Variants in CADM2 observed in about 807,000 individuals in gnomAD.
CADM2 encodes the protein cell adhesion molecule 2.
In CADM2, 12 loss-of-function variants were observed where a neutral mutation model predicts 49.8. The ratio of observed to expected loss-of-function variants is 0.24; its 90% confidence interval spans 0.15 to 0.39. The LOEUF (loss-of-function observed/expected upper bound fraction) is 0.39. Ranked by LOEUF, CADM2 falls within the 10% of genes least tolerant of loss-of-function variation. CADM2 has a pLI of 1.00. For synonymous variants in CADM2, 214 were observed against 175.4 expected (o/e 1.22, Z -1.74); for missense variants, 378 against 492.3 (o/e 0.77, Z 2.20).
intron 1 of CADM2, among the ~76,000 whole-genome samples, chr3:85,331,637 C>A (rs1008704577): frequency 1.3e-5 from 2 of 151,506 alleles, no homozygotes; most frequent in African/African-American, 2.4e-5. Context: ...GGGTACAGAC[C>A]CAACATTGAG....
chr3:85,854,125 G>C (rs2075213722), intron 3 of CADM2, among the ~76,000 whole-genome samples: 1 of 152,144 alleles, frequency 6.6e-6, no homozygotes. Context: ...AAAAACCACT[G>C]TAGAAAGTAC....
chr3:85,801,096 G>A (rs2071999741), intron 2 of CADM2: 1 of 152,120 alleles, frequency 6.6e-6, no homozygotes, highest in Non-Finnish European at 1.5e-5. Context: ...TCTTACCCAT[G>A]TTAATCATGG....
rs867639595 is a variant in CADM2, at chr3:85,279,248, C to T, written c.61+319580C>T. Among the ~76,000 whole-genome samples, 5 of 151,550 alleles carry T rather than the reference C, an allele frequency of 3.3e-5. No individual in the cohort carries two copies. In the South Asian group the frequency reaches 6.2e-4, roughly 19 times the overall value. The stretch of plus-strand genomic sequence containing the variant: ...GAGCCTAAATACATGGATAATCTTA[C>T]ACTGTTGTTAACCTTTCCACAGAAC... On this transcript the variant is annotated intron_variant, in intron 1 of 9. Coordinates refer to ENST00000383699, the MANE Select transcript of CADM2 (RefSeq NM_001167675.2).
rs1359280183 is a variant in CADM2 at position 85,294,220 on chromosome 3, T to C, written c.61+334552T>C. ...TCAAAGACAATAAAATACCTAGGAA[T>C]CCAACATACAAGGGATGTAAAGGAC... On this transcript the variant is annotated intron_variant, in intron 1 of 9. Transcript: ENST00000383699. Among the ~76,000 whole-genome samples, 9 of 152,118 alleles carry C rather than the reference T, an allele frequency of 5.9e-5. No individual in the cohort carries two copies. The South Asian group carries it at 1.5e-3, about 25-fold the overall frequency.
chr3:85,709,638 C>A (rs745531632), intron 1 of CADM2, among the ~76,000 whole-genome samples: 5 of 152,036 alleles, frequency 3.3e-5, no homozygotes, highest in African/African-American at 4.8e-5. Context: ...TTAGTTGGGC[C>A]TTGGCTGGCA....
At chr3:85,214,283 A>C (rs888163090) in intron 1 of CADM2, among the ~76,000 whole-genome samples, 3 of 152,072 alleles carry the variant, frequency 2.0e-5, no homozygotes, top group Admixed American at 6.5e-5. Context: ...TTTCCCACAA[A>C]TAAAGTGAGT....
intron 1 of CADM2, among the ~76,000 whole-genome samples, chr3:85,063,197 G>A (rs555390526): frequency 6.6e-6 from 1 of 151,758 alleles, no homozygotes; most frequent in South Asian, 2.1e-4. Flanking sequence ...TTTAATCTCT[G>A]TGTCATGGAG....
At chr3:85,282,044 T>A (rs373562753) in intron 1 of CADM2, among the ~76,000 whole-genome samples, 1 of 151,952 alleles carries the variant, frequency 6.6e-6, no homozygotes, top group Admixed American at 6.6e-5. Flanking sequence ...TACATATTCT[T>A]CAAAAATCAA....
At chr3:84,972,247 G>A (rs2031501469) in intron 1 of CADM2, among the ~76,000 whole-genome samples, 1 of 152,198 alleles carries the variant, frequency 6.6e-6, no homozygotes, top group African/African-American at 2.4e-5. Flanking sequence ...ATGGATGATT[G>A]CAAACTGCAG....
intron 1 of CADM2, among the ~76,000 whole-genome samples, chr3:85,291,764 G>A (rs1295064379): frequency 6.8e-6 from 1 of 147,712 alleles, no homozygotes; most frequent in Non-Finnish European, 1.5e-5. Flanking sequence ...CACCCGGCCT[G>A]CCCTAAAAGA....
intron 1 of CADM2, among the ~76,000 whole-genome samples, chr3:85,476,305 G>C (rs1380851230): frequency 1.3e-5 from 2 of 151,762 alleles, no homozygotes; most frequent in Non-Finnish European, 2.9e-5. Flanking sequence ...TTGTCTTCTG[G>C]CCATAGAGTT....
At chr3:85,789,482 C>G (rs1375763130) in intron 2 of CADM2, among the ~76,000 whole-genome samples, 1 of 152,020 alleles carries the variant, frequency 6.6e-6, no homozygotes, top group Non-Finnish European at 1.5e-5. Context: ...TTTATATTGC[C>G]TTGAGAGACA....
At chr3:85,165,539 ATG>A (rs2040450349) in intron 1 of CADM2, among the ~76,000 whole-genome samples, 1 of 151,896 alleles carries the variant, frequency 6.6e-6, no homozygotes, top group African/African-American at 2.4e-5. Context: ...CATTTTTAAT[ATG>A]TGTTTTTTCA....
At chr3:85,630,477 A>G (rs1175250277) in intron 1 of CADM2, among the ~76,000 whole-genome samples, 6 of 152,022 alleles carry the variant, frequency 3.9e-5, no homozygotes, top group Admixed American at 2.6e-4. Context: ...CAGGATAACA[A>G]TTCTCAAATA....
chr3:85,717,481 A>T (rs2067336018), intron 1 of CADM2, among the ~76,000 whole-genome samples: 1 of 152,018 alleles, frequency 6.6e-6, no homozygotes, highest in African/African-American at 2.4e-5. Context: ...AATATCCTTT[A>T]TTTCTTTCTC....
intron 1 of CADM2, among the ~76,000 whole-genome samples, chr3:85,056,718 T>A (rs1219536940): frequency 6.6e-6 from 1 of 152,126 alleles, no homozygotes; most frequent in Non-Finnish European, 1.5e-5. Flanking sequence ...TGCCTTACAC[T>A]AAGAAGTCAT....
At chr3:85,435,719 T>C (rs2107531083) in intron 1 of CADM2, among the ~76,000 whole-genome samples, 1 of 152,324 alleles carries the variant, frequency 6.6e-6, no homozygotes, top group South Asian at 2.1e-4. Context: ...CTAACTGGCA[T>C]GAGATGGTAT....
chr3:85,843,685 G>A (rs2074742651), intron 3 of CADM2, among the ~76,000 whole-genome samples: 1 of 152,020 alleles, frequency 6.6e-6, no homozygotes, highest in African/African-American at 2.4e-5. Flanking sequence ...CTATATGTAA[G>A]ATTATCATTA....
At chr3:84,995,993 C>A (rs1167164855) in intron 1 of CADM2, among the ~76,000 whole-genome samples, 1 of 152,108 alleles carries the variant, frequency 6.6e-6, no homozygotes, top group Non-Finnish European at 1.5e-5. Flanking sequence ...ACAGGAGAGA[C>A]TATAACTTAT....
Sources: gnomAD v4.1 joint callset for allele counts (sites outside exome capture counted in the v4.1 genomes callset) on GRCh38, gnomAD v4.1.1 for gene constraint, MANE v1.5 for transcripts, NCBI Gene and HGNC (gene_info 2026-07-23, HGNC 2026-07-21) for gene names.